CLPTM1: variants seen among roughly 807,000 people sequenced by gnomAD.
CLPTM1 encodes CLPTM1 regulator of GABA type A receptor forward trafficking.
CLPTM1 carries 21 observed loss-of-function variants against 77.3 expected under a neutral mutation model. That is an observed-to-expected ratio of 0.27 (90% confidence interval 0.19 to 0.39). The LOEUF is 0.39. Ranked by LOEUF, CLPTM1 falls within the 10% of genes least tolerant of loss-of-function variation. CLPTM1 has a pLI of 1.00. For missense variants in CLPTM1, 642 were observed against 921.2 expected (o/e 0.70, Z 3.92); for synonymous variants, 373 against 381.0 (o/e 0.98, Z 0.24).
Position 44,991,234 on chromosome 19 carries a change from A to G in CLPTM1, c.1420-4A>G. The G allele has an allele frequency of 6.2e-7, 1 of 1,613,876 alleles. No individual in the cohort carries two copies. Among genetic ancestry groups the G allele is most frequent in the Non-Finnish European group, 8.5e-7 (1 of 1,179,884 alleles). On this transcript the variant is annotated splice_region_variant and splice_polypyrimidine_tract_variant and intron_variant, in intron 11 of 13. Coordinates refer to ENST00000337392, the MANE Select transcript of CLPTM1 (RefSeq NM_001294.4). The surrounding 1 kb of genome is among the most constrained non-coding windows in gnomAD (Gnocchi z 5.4). Reference sequence around the variant, plus strand: ...GCTGACAGCCCCACCCTGTGGCCCCACAGATGGCATTCCGGTACCTGTCCT... The same window carrying G: ...GCTGACAGCCCCACCCTGTGGCCCCGCAGATGGCATTCCGGTACCTGTCCT...
At chr19:44,955,075 T>G, upstream of CLPTM1, 1 of 1,535,734 alleles carries the variant, frequency 6.5e-7, no homozygotes, top group African/African-American at 1.4e-5. Flanking sequence ...AAGGCTCATA[T>G]AACCGAAAAG....
chr19:44,955,609 G>T, intron 1 of CLPTM1, 142 bp downstream of exon 1: 4 of 792,876 alleles, frequency 5.0e-6, no homozygotes, highest in Non-Finnish European at 6.7e-6. Context: ...CCCAGGCAGG[G>T]CCGGACCGCC....
chr19:44,965,388 C>T (rs10416261), intron 2 of CLPTM1, among the ~76,000 whole-genome samples: 61,426 of 151,604 alleles, frequency 0.41, 12,702 homozygotes, highest in East Asian at 0.53. Flanking sequence ...GTCCCAGCTA[C>T]TCGGGAGGCT....
intron 1 of CLPTM1, chr19:44,955,954 C>T (rs1177437339): frequency 6.5e-6 from 1 of 155,030 alleles, no homozygotes; most frequent in Non-Finnish European, 1.4e-5. Flanking sequence ...GAGACTAAGG[C>T]GCTTCTAGAA....
At chr19:44,961,471 C>T (rs1290523126) in intron 1 of CLPTM1, among the ~76,000 whole-genome samples, 2 of 152,226 alleles carry the variant, frequency 1.3e-5, no homozygotes, top group Non-Finnish European at 2.9e-5. Flanking sequence ...CCCCAGGGAA[C>T]AGTGGACAGT....
At chr19:44,955,579 G>A in intron 1 of CLPTM1, 112 bp downstream of exon 1, 1 of 1,065,988 alleles carries the variant, frequency 9.4e-7, no homozygotes, top group Non-Finnish European at 1.2e-6. Context: ...TCCTTGGCCA[G>A]AGGGACCTTG....
intron 2 of CLPTM1, among the ~76,000 whole-genome samples, chr19:44,965,514 TA>T (rs1970614425): frequency 1.5e-5 from 2 of 136,398 alleles, no homozygotes; most frequent in African/African-American, 2.8e-5. Context: ...AAAGAGAAAA[TA>T]AAAATAAAAC....
intron 5 of CLPTM1, among the ~76,000 whole-genome samples, chr19:44,979,883 G>T (rs1019705751): frequency 6.6e-6 from 1 of 152,144 alleles, no homozygotes. Context: ...TTCAGAGGTC[G>T]CTCTGAAGGT....
chr19:44,962,785 G>C (rs1227165229), intron 2 of CLPTM1, among the ~76,000 whole-genome samples: 1 of 151,648 alleles, frequency 6.6e-6, no homozygotes, highest in Non-Finnish European at 1.5e-5. Flanking sequence ...AAAAAATCTG[G>C]CTGGGCACGG....
intron 4 of CLPTM1, among the ~76,000 whole-genome samples, chr19:44,975,551 C>T (rs1477720801): frequency 6.6e-6 from 1 of 151,660 alleles, no homozygotes; most frequent in Non-Finnish European, 1.5e-5. Context: ...CACAGTCATT[C>T]TGGTTTTTTT....
chr19:44,967,041 T>C (rs11878597), intron 2 of CLPTM1, among the ~76,000 whole-genome samples: 78,383 of 151,930 alleles, frequency 0.52, 20,895 homozygotes, highest in African/African-American at 0.62. Flanking sequence ...CAGGGTTTCA[T>C]CGTGTTAGCC....
intron 2 of CLPTM1, among the ~76,000 whole-genome samples, chr19:44,968,563 G>T (rs1254046819): frequency 6.6e-6 from 1 of 152,202 alleles, no homozygotes; most frequent in Non-Finnish European, 1.5e-5. Context: ...GCAGGCCTGG[G>T]TGCATGGATG....
At chr19:44,964,790 C>T (rs993028312) in intron 2 of CLPTM1, among the ~76,000 whole-genome samples, 2 of 152,188 alleles carry the variant, frequency 1.3e-5, no homozygotes, top group East Asian at 1.9e-4. Context: ...TTTCTATTTC[C>T]TGTCTCTCTT....
In CLPTM1 at chr19:44,992,984, C is replaced by A. The variant is rs751002831; in HGVS notation, c.*87C>A. The A allele has an allele frequency of 4.7e-6, 7 of 1,484,466 alleles. No homozygotes were observed. Among genetic ancestry groups the A allele is most frequent in the Non-Finnish European group, 5.5e-6 (6 of 1,092,306 alleles). 92.0% of individuals were successfully genotyped at this position (1,484,466 alleles called of 1,614,324 possible). ...TCGCCTCCCCTCCCTGTCGCCCTTT[C>A]CCTGGACAGATCAGGCCGGGGCGGT... is the stretch of plus-strand genomic sequence containing the variant. On this transcript the variant is annotated 3_prime_UTR_variant, in exon 14 of 14. Coordinates refer to ENST00000337392, the MANE Select transcript of CLPTM1 (RefSeq NM_001294.4). The surrounding 1 kb of genome is among the most constrained non-coding windows in gnomAD (Gnocchi z 7.7).
chr19:44,960,161 G>A (rs1258493680), intron 1 of CLPTM1, among the ~76,000 whole-genome samples: 2 of 152,146 alleles, frequency 1.3e-5, no homozygotes, highest in African/African-American at 4.8e-5. Context: ...TCATCAGAAT[G>A]TGGCTTTCTC....
chr19:44,991,422 G>A lies in CLPTM1; in HGVS notation c.1555+49G>A. 1 of 1,594,014 alleles carries A rather than the reference G, an allele frequency of 6.3e-7. No individual in the cohort carries two copies. The highest frequency in any genetic ancestry group is 8.5e-7 in the Non-Finnish European group (1 of 1,173,200). On this transcript the variant is annotated intron_variant, in intron 12 of 13. Coordinates refer to ENST00000337392, the MANE Select transcript of CLPTM1 (RefSeq NM_001294.4). This position sits in a 1 kb window ranked among gnomAD's most constrained non-coding sequence, Gnocchi z 5.4. ...AGAGAGCAGGCCCCATGCTGCGCAG[G>A]GCTCACAGCCCCAGTGTAGGAGACA...
chr19:44,974,278 A>G (rs1255654669), intron 3 of CLPTM1, among the ~76,000 whole-genome samples, 161 bp from the exon 4 acceptor site: 1 of 152,084 alleles, frequency 6.6e-6, no homozygotes, highest in Non-Finnish European at 1.5e-5. Context: ...GGTATGAGAA[A>G]AGAGAAAATA....
chr19:44,987,823 C>G, intron 8 of CLPTM1: 1 of 578,280 alleles, frequency 1.7e-6, no homozygotes, highest in South Asian at 2.0e-5. Context: ...GCTCCTGGCT[C>G]CCAGTGTCCC....
chr19:44,977,022 T>C (rs1000488693), intron 4 of CLPTM1, among the ~76,000 whole-genome samples: 2 of 152,116 alleles, frequency 1.3e-5, no homozygotes, highest in Admixed American at 1.3e-4. Context: ...TTGACTGAGC[T>C]GTGTGCCAGT....
Sources: allele counts gnomAD v4.1 joint callset (sites outside exome capture counted in the v4.1 genomes callset), GRCh38; gene constraint gnomAD v4.1.1; non-coding constraint Gnocchi (gnomAD v3.1); transcripts MANE v1.5; gene names NCBI Gene and HGNC (gene_info 2026-07-23, HGNC 2026-07-21).